The following SLC24A2 variants were observed in gnomAD, a reference collection of about 807,000 sequenced individuals.
SLC24A2 encodes the protein solute carrier family 24 member 2.
A neutral mutation model predicts 62.0 loss-of-function variants in SLC24A2; 36 were observed. That is an observed-to-expected ratio of 0.58 (90% confidence interval 0.44 to 0.77). The LOEUF (loss-of-function observed/expected upper bound fraction) is 0.77, where lower values mean the gene tolerates loss of function less well. SLC24A2 is among the 30% of genes least tolerant of loss of function. The pLI, the probability that SLC24A2 is intolerant of heterozygous loss-of-function variation, is 0.00. For synonymous variants in SLC24A2, 358 were observed against 294.0 expected, an observed-to-expected ratio of 1.22 and a Z score of -2.23; for missense variants, 846 against 817.9, an observed-to-expected ratio of 1.03 and a Z score of -0.42.
chr9:19,654,900 C>A (rs900458417), intron 2 of SLC24A2, among the ~76,000 whole-genome samples: 1 of 152,160 alleles, frequency 6.6e-6, no homozygotes, highest in African/African-American at 2.4e-5. Context: ...ACCTAATAAA[C>A]CATGTCTGCA....
the SLC24A2 span, among the ~76,000 whole-genome samples, chr9:20,085,179 T>C: frequency 6.6e-6 from 1 of 152,114 alleles, no homozygotes; most frequent in Non-Finnish European, 1.5e-5. Flanking sequence ...AAAATATTTT[T>C]GTAGACACAT....
chr9:19,638,322 C>T (rs1030076150), intron 2 of SLC24A2, among the ~76,000 whole-genome samples: 6 of 152,214 alleles, frequency 3.9e-5, no homozygotes, highest in African/African-American at 1.4e-4. Flanking sequence ...TCAATGCACA[C>T]ATTCTTGACT....
the SLC24A2 span, among the ~76,000 whole-genome samples, chr9:20,142,863 T>C: frequency 6.6e-6 from 1 of 152,212 alleles, no homozygotes; most frequent in Non-Finnish European, 1.5e-5. Flanking sequence ...CCCAAAGTGC[T>C]GGGATTACAG....
chr9:20,236,073 A>G, the SLC24A2 span, among the ~76,000 whole-genome samples: 3 of 152,230 alleles, frequency 2.0e-5, no homozygotes, highest in African/African-American at 7.2e-5. Context: ...AGAAGGTTTC[A>G]TTAGAACCCA....
the SLC24A2 span, among the ~76,000 whole-genome samples, chr9:19,940,284 T>C: frequency 6.6e-6 from 1 of 152,212 alleles, no homozygotes; most frequent in African/African-American, 2.4e-5. Flanking sequence ...GAAGAGGCTT[T>C]TGCCAACTGT....
At chr9:20,047,014 C>T in the SLC24A2 span, among the ~76,000 whole-genome samples, 1 of 152,090 alleles carries the variant, frequency 6.6e-6, no homozygotes, top group African/African-American at 2.4e-5. Context: ...GACTACTATT[C>T]CTTTCCCTAA....
chr9:20,107,589 TG>T, the SLC24A2 span, among the ~76,000 whole-genome samples: 1 of 152,138 alleles, frequency 6.6e-6, no homozygotes, highest in Non-Finnish European at 1.5e-5. Context: ...AAACAAGCAA[TG>T]GGGAAAGGAT....
the SLC24A2 span, among the ~76,000 whole-genome samples, chr9:20,293,644 C>T: frequency 2.5e-4 from 38 of 152,114 alleles, no homozygotes; most frequent in African/African-American, 7.7e-4. Context: ...CTTCACTGGG[C>T]GGGGTTTCTG....
the SLC24A2 span, among the ~76,000 whole-genome samples, chr9:20,279,320 C>T: frequency 1.3e-5 from 2 of 152,296 alleles, no homozygotes; most frequent in Middle Eastern, 3.4e-3. Context: ...CACCTGAGGT[C>T]AGGAGTTCAA....
At chr9:20,194,987 T>A in the SLC24A2 span, among the ~76,000 whole-genome samples, 266 of 152,272 alleles carry the variant, frequency 1.7e-3, 3 homozygotes, top group East Asian at 0.041. Context: ...TAGGTATACA[T>A]CCGTAAACCA....
chr9:20,022,228 A>G, the SLC24A2 span, among the ~76,000 whole-genome samples: 3 of 152,166 alleles, frequency 2.0e-5, no homozygotes, highest in Non-Finnish European at 2.9e-5. Flanking sequence ...TATACCACCC[A>G]CGAAATCTGT....
At chr9:20,244,219 G>A in the SLC24A2 span, among the ~76,000 whole-genome samples, 2 of 152,070 alleles carry the variant, frequency 1.3e-5, no homozygotes, top group Non-Finnish European at 2.9e-5. Context: ...TAAACTATCC[G>A]GTTAAAACGT....
chr9:20,127,990 C>G, the SLC24A2 span, among the ~76,000 whole-genome samples: 1 of 151,970 alleles, frequency 6.6e-6, no homozygotes, highest in Non-Finnish European at 1.5e-5. Flanking sequence ...ATGCCTACTA[C>G]GTAGTAGCAT....
chr9:19,791,527 G>T (rs569398930), upstream of SLC24A2, among the ~76,000 whole-genome samples: 1 of 152,266 alleles, frequency 6.6e-6, no homozygotes, highest in East Asian at 1.9e-4. Flanking sequence ...ATCCATATTC[G>T]ACTCAAGATT....
chr9:19,757,572 C>A (rs1443252746), intron 2 of SLC24A2, among the ~76,000 whole-genome samples: 1 of 152,132 alleles, frequency 6.6e-6, no homozygotes, highest in African/African-American at 2.4e-5. Context: ...AAGGGCCAGG[C>A]CCATAACTGA....
At chr9:20,215,289 C>T in the SLC24A2 span, among the ~76,000 whole-genome samples, 1 of 152,180 alleles carries the variant, frequency 6.6e-6, no homozygotes, top group Non-Finnish European at 1.5e-5. Flanking sequence ...CATTCAAATA[C>T]CATCACCCTG....
At chr9:19,919,991 A>G in the SLC24A2 span, among the ~76,000 whole-genome samples, 1 of 152,152 alleles carries the variant, frequency 6.6e-6, no homozygotes, top group African/African-American at 2.4e-5. Flanking sequence ...AAAAATTATA[A>G]TGGAATGGAA....
chr9:20,298,978 G>A, the SLC24A2 span, among the ~76,000 whole-genome samples: 2 of 152,218 alleles, frequency 1.3e-5, no homozygotes, highest in African/African-American at 2.4e-5. Flanking sequence ...AGGACATGCG[G>A]CCATGGAGGG....
chr9:20,006,534 G>A, the SLC24A2 span, among the ~76,000 whole-genome samples: 1 of 152,076 alleles, frequency 6.6e-6, no homozygotes, highest in Non-Finnish European at 1.5e-5. Context: ...TTATCTGGCT[G>A]TGATTATTAA....
Sources: allele counts gnomAD v4.1 joint callset (sites outside exome capture counted in the v4.1 genomes callset), GRCh38; gene constraint gnomAD v4.1.1; transcripts MANE v1.5; gene names NCBI Gene and HGNC (gene_info 2026-07-23, HGNC 2026-07-21).